The following KLHL18 variants were observed in gnomAD, a reference collection of about 807,000 sequenced individuals.
The protein encoded by KLHL18 is kelch-like protein 18.
In KLHL18, 38 loss-of-function variants were observed where a neutral mutation model predicts 58.5. The ratio of observed to expected loss-of-function variants is 0.65; its 90% CI spans 0.50 to 0.85. The LOEUF (loss-of-function observed/expected upper bound fraction) is 0.85, where lower values mean the gene tolerates loss of function less well. Among genes scored for constraint, KLHL18 ranks in the 40% least tolerant of loss-of-function variants. The pLI is 0.00. For missense variants in KLHL18, 624 were observed against 778.4 expected (o/e 0.80, Z 2.36); for synonymous variants, 303 against 301.9 (o/e 1.00, Z -0.04).
chr3:47,331,843 C>A (rs1474219585), intron 4 of KLHL18, among the ~76,000 whole-genome samples: 2 of 151,112 alleles, frequency 1.3e-5, no homozygotes, highest in African/African-American at 4.9e-5. Flanking sequence ...AATGGGAGAG[C>A]AGTTGTTGGA....
chr3:47,291,197 G>A (rs1402083691), intron 1 of KLHL18, among the ~76,000 whole-genome samples: 1 of 152,216 alleles, frequency 6.6e-6, no homozygotes, highest in African/African-American at 2.4e-5. Flanking sequence ...GCTAGTTGAT[G>A]GAAGATGAGA....
At chr3:47,324,048 C>T (rs991085949) in intron 3 of KLHL18, among the ~76,000 whole-genome samples, 6 of 152,116 alleles carry the variant, frequency 3.9e-5, no homozygotes, top group African/African-American at 1.4e-4. Context: ...TAAAGGGTTT[C>T]ATCCTGAGGT....
intron 1 of KLHL18, among the ~76,000 whole-genome samples, chr3:47,287,803 A>G (rs879281124): frequency 6.6e-6 from 1 of 152,144 alleles, no homozygotes; most frequent in Non-Finnish European, 1.5e-5. Context: ...ATATTTATTA[A>G]TAATAACTTA....
At chr3:47,322,877 T>C (rs1280186787) in intron 3 of KLHL18, among the ~76,000 whole-genome samples, 169 bp downstream of exon 3, 3 of 152,210 alleles carry the variant, frequency 2.0e-5, no homozygotes, top group African/African-American at 7.2e-5. Context: ...CAGTGCCCAC[T>C]TCTTTGAGAT....
At position 47,306,248 on chromosome 3, in the gene KLHL18, G is replaced by C. The variant is rs181742836; in HGVS notation, c.130-13405G>C. On this transcript the variant is annotated intron_variant, in intron 1 of 9. Transcript: ENST00000232766. The stretch of plus-strand genomic sequence containing the variant: ...TCATTCAATGTATTTTTAAATTTCC[G>C]TTCCTTTTTTAGAGACTCCTCTTTG... 1.1e-4 allele frequency among the ~76,000 whole-genome samples: 16 copies of C among 151,978 alleles called. No homozygotes were observed. The East Asian group carries it at 2.3e-3, about 22-fold the overall frequency.
At chr3:47,340,509 G>A in intron 7 of KLHL18, 63 bp from the exon 8 acceptor site, 1 of 1,610,844 alleles carries the variant, frequency 6.2e-7, no homozygotes, top group Non-Finnish European at 8.5e-7. Flanking sequence ...TTTCTCAGTG[G>A]GCAAGAGAGG....
chr3:47,306,967 C>CT (rs1269596278), intron 1 of KLHL18, among the ~76,000 whole-genome samples: 3 of 151,706 alleles, frequency 2.0e-5, no homozygotes, highest in Admixed American at 1.3e-4. Context: ...CTTAAGCTCA[C>CT]TTTTTTTTTC....
rs376108208 is a variant in KLHL18 at position 47,336,707 on chromosome 3, C to T, written c.1071C>T (p.Asn357=). The part of the protein sequence containing the change: ...QLRLSTVEAY[N]PETDTWTRVG... ...GGCTGAGCACTGTGGAGGCCTACAA[C>T]CCGGAGACAGACACATGGACCAGAG... The change falls in exon 7 of 10, where the codon AAC becomes AAT. Residue 357 remains asparagine, a synonymous_variant. Transcript: ENST00000232766. 1.9e-6 allele frequency: 3 copies of T among 1,614,106 alleles called. No individual in the cohort carries two copies. The highest frequency in any genetic ancestry group is 1.1e-5 in the South Asian group (1 of 91,094).
chr3:47,300,231 C>T (rs1475628159), intron 1 of KLHL18, among the ~76,000 whole-genome samples: 7 of 149,318 alleles, frequency 4.7e-5, no homozygotes, highest in Non-Finnish European at 3.0e-5. Flanking sequence ...TTCTATTTCT[C>T]GGGAAAACCC....
chr3:47,298,382 A>C (rs897307700), intron 1 of KLHL18, among the ~76,000 whole-genome samples: 1 of 151,682 alleles, frequency 6.6e-6, no homozygotes, highest in African/African-American at 2.4e-5. Context: ...AGAGAAAAAA[A>C]CCTGTTTAGG....
intron 8 of KLHL18, among the ~76,000 whole-genome samples, chr3:47,341,130 G>C (rs946859497): frequency 1.3e-5 from 2 of 152,136 alleles, no homozygotes; most frequent in Admixed American, 1.3e-4. Flanking sequence ...AAGACTCTAA[G>C]AAACCCTGCA....
chr3:47,321,351 G>GT (rs1323588705), intron 2 of KLHL18, among the ~76,000 whole-genome samples: 97 of 147,318 alleles, frequency 6.6e-4, no homozygotes, highest in African/African-American at 2.4e-3. Flanking sequence ...GTTTTGTTTT[G>GT]TTTTTTTTTT....
chr3:47,342,691 C>G (rs903896067), intron 8 of KLHL18, 28 bp from the exon 9 acceptor site: 15 of 1,582,236 alleles, frequency 9.5e-6, no homozygotes, highest in Non-Finnish European at 1.3e-5. Context: ...TCTCATGCTT[C>G]CCCTCCTATT....
chr3:47,316,586 C>T (rs1169991170), intron 1 of KLHL18, among the ~76,000 whole-genome samples: 2 of 116,036 alleles, frequency 1.7e-5, no homozygotes, highest in African/African-American at 3.4e-5. Context: ...TATATATATA[C>T]ATATATACGT....
rs1285187155 is a variant in KLHL18 at position 47,330,023 on chromosome 3, T to C, written c.474T>C (p.Ala158=). The change falls in exon 4 of 10, where the codon GCT becomes GCC. Residue 158 remains alanine (A), a synonymous_variant. Coordinates refer to ENST00000232766, the MANE Select transcript of KLHL18 (RefSeq NM_025010.5). ...TGATGTGTGCTGTGCTGTACGACGC[T>C]GCCAACAGCTTCATCCACCAGCACT... The part of the protein sequence containing the change: ...ETMMCAVLYD[A]ANSFIHQHFV... 2 of 1,614,180 alleles carry C rather than the reference T, an allele frequency of 1.2e-6. No individual in the cohort carries two copies. The highest frequency in any genetic ancestry group is 1.7e-6 in the Non-Finnish European group (2 of 1,180,028).
chr3:47,333,384 T>C, intron 5 of KLHL18, 67 bp downstream of exon 5: 1 of 1,473,608 alleles, frequency 6.8e-7, no homozygotes, highest in Non-Finnish European at 9.3e-7. Flanking sequence ...GTTGGCCACC[T>C]GTTCCAGTTC....
rs1704211181 is a variant in KLHL18, at chr3:47,345,597, A to C, written c.*1656A>C. The C allele has an allele frequency of 6.5e-6, 1 of 152,690 alleles. No individual in the cohort carries two copies. 9.5% of individuals were successfully genotyped at this position (152,690 alleles called of 1,614,324 possible). On this transcript the variant is annotated 3_prime_UTR_variant, in exon 10 of 10. Transcript: ENST00000232766. ...CACTGGGCAGTGGGGCTGTCCTTCA[A>C]CTGCTGCTGCCAAAATTGGTTTTCT... is the stretch of plus-strand genomic sequence containing the variant.
chr3:47,286,389 C>G (rs1351845823), intron 1 of KLHL18, among the ~76,000 whole-genome samples: 2 of 152,206 alleles, frequency 1.3e-5, no homozygotes, highest in Non-Finnish European at 2.9e-5. Context: ...TCTTTCTTGT[C>G]AAAGTCTTCC....
intron 1 of KLHL18, among the ~76,000 whole-genome samples, chr3:47,304,688 T>G (rs1404675442): frequency 1.3e-5 from 2 of 152,238 alleles, no homozygotes; most frequent in African/African-American, 2.4e-5. Context: ...TCTAGGGTTA[T>G]TTGTTTTTTT....
Sources: allele counts gnomAD v4.1 joint callset (sites outside exome capture counted in the v4.1 genomes callset), GRCh38; gene constraint gnomAD v4.1.1; transcripts MANE v1.5; gene names NCBI Gene and HGNC (gene_info 2026-07-23, HGNC 2026-07-21).